Variants in VPS13A observed in about 807,000 individuals in gnomAD.
The protein encoded by VPS13A is intermembrane lipid transfer protein VPS13A.
In VPS13A, 264 loss-of-function variants were observed where a neutral mutation model predicts 390.9. The ratio of observed to expected loss-of-function variants is 0.68; its 90% CI spans 0.61 to 0.75. The LOEUF (loss-of-function observed/expected upper bound fraction) is 0.75, where lower values mean the gene tolerates loss of function less well. Among genes scored for constraint, VPS13A ranks in the 30% least tolerant of loss-of-function variants. The pLI is 0.00. For missense variants in VPS13A, 3,409 were observed against 3,733.9 expected (o/e 0.91, Z 2.27); for synonymous variants, 1,231 against 1,227.1 (o/e 1.00, Z -0.07).
intron 36 of VPS13A, 147 bp from the exon 37 acceptor site, chr9:77,314,348 T>C: frequency 1.1e-6 from 1 of 932,462 alleles, no homozygotes; most frequent in Non-Finnish European, 1.6e-6. Context: ...GATATGTATA[T>C]ATTTTTAGCC....
At position 77,321,722 on chromosome 9, in the gene VPS13A, A is replaced by AGCAAACTCTTC; in HGVS notation, c.5807_5817dup (p.Phe1940AlafsTer21). On this transcript the variant is annotated frameshift_variant, in exon 44 of 72. Transcript: ENST00000360280. LOFTEE classifies it high-confidence loss of function. ...TTTCAATGCAATGACCAGCCTAAGC[A>AGCAAACTCTTC]GCAAACTCTTCTTCATTCTTCTTAG... The AGCAAACTCTTC allele has an allele frequency of 6.2e-7, 1 of 1,613,278 alleles. No individual in the cohort carries two copies. The highest frequency in any genetic ancestry group is 8.5e-7 in the Non-Finnish European group (1 of 1,179,468).
At position 77,205,369 on chromosome 9, in the gene VPS13A, G is replaced by A. The variant is rs146896963; in HGVS notation, c.244G>A (p.Val82Ile). 6.8e-5 allele frequency: 101 copies of A among 1,477,026 alleles called. No individual in the cohort carries two copies. The highest frequency in any genetic ancestry group is 1.9e-4 in the Middle Eastern group (1 of 5,332). 91.5% of individuals were successfully genotyped at this position (1,477,026 alleles called of 1,614,324 possible). The change falls in exon 4 of 72, where the codon GTA (valine) becomes ATA (isoleucine). Residue 82 changes from valine to isoleucine, a missense_variant. This residue lies in a region of VPS13A where 2,717 missense variants were observed against 2,917.4 expected (regional missense o/e 0.93). Transcript: ENST00000360280. Reference protein sequence around the residue: ...KNLYTQPVEAVLEEIYLLIVP... With the variant: ...KNLYTQPVEAILEEIYLLIVP... ...CCTTTATACTCAACCTGTTGAAGCCGTATTGGAAGAAATTTATTTACTTAT... is the reference window on the plus strand; with the variant it reads ...CCTTTATACTCAACCTGTTGAAGCCATATTGGAAGAAATTTATTTACTTAT...
At chr9:77,318,129 GTAA>G (rs1829515739) in intron 40 of VPS13A, 103 bp from the exon 41 acceptor site, 1 of 607,074 alleles carries the variant, frequency 1.6e-6, no homozygotes, top group Non-Finnish European at 2.7e-6. Context: ...TTTTGTGGTA[GTAA>G]TGTTAATTCA....
chr9:77,393,321 A>G (rs1260939210), intron 68 of VPS13A, among the ~76,000 whole-genome samples: 1 of 152,214 alleles, frequency 6.6e-6, no homozygotes, highest in Non-Finnish European at 1.5e-5. Context: ...CCTCCGCTGA[A>G]GTCTTGAACC....
chr9:77,356,623 G>C, intron 54 of VPS13A, 91 bp from the exon 55 acceptor site: 1 of 1,391,138 alleles, frequency 7.2e-7, no homozygotes, highest in South Asian at 1.3e-5. Context: ...TGAAATTTTA[G>C]TGAAGGTATT....
intron 31 of VPS13A, among the ~76,000 whole-genome samples, chr9:77,290,857 C>A (rs532009795): frequency 1.3e-3 from 195 of 152,210 alleles, no homozygotes; most frequent in Non-Finnish European, 1.9e-3. Flanking sequence ...CCACTAGAAG[C>A]CTTTACCATA....
chr9:77,223,190 A>G (rs1823320048), intron 13 of VPS13A, among the ~76,000 whole-genome samples: 1 of 152,118 alleles, frequency 6.6e-6, no homozygotes, highest in African/African-American at 2.4e-5. Flanking sequence ...AACTTAATAA[A>G]TGTTGTGCGT....
chr9:77,293,600 T>C, intron 32 of VPS13A, 92 bp downstream of exon 32: 1 of 753,988 alleles, frequency 1.3e-6, no homozygotes, highest in Non-Finnish European at 1.9e-6. Flanking sequence ...ATTCCTTGCT[T>C]GAGATTTTTT....
chr9:77,271,491 C>T (rs1307626858), intron 23 of VPS13A, among the ~76,000 whole-genome samples: 3 of 152,048 alleles, frequency 2.0e-5, no homozygotes, highest in Non-Finnish European at 4.4e-5. Flanking sequence ...CACATGCCTA[C>T]CAAAAGACTT....
chr9:77,389,799 G>A (rs1833834480), intron 68 of VPS13A: 1 of 152,036 alleles, frequency 6.6e-6, no homozygotes, highest in South Asian at 2.1e-4. Context: ...TTGTCCTGTG[G>A]GTGTAGTATA....
At chr9:77,199,086 T>A (rs1825175282) in intron 1 of VPS13A, among the ~76,000 whole-genome samples, 1 of 152,236 alleles carries the variant, frequency 6.6e-6, no homozygotes, top group Non-Finnish European at 1.5e-5. Context: ...AATTACTTTC[T>A]ATGTGTCTTA....
intron 54 of VPS13A, 129 bp from the exon 55 acceptor site, chr9:77,356,585 A>T: frequency 9.8e-7 from 1 of 1,018,810 alleles, no homozygotes; most frequent in Non-Finnish European, 1.5e-6. Flanking sequence ...TAAATTTGTA[A>T]TATGCTCACT....
chr9:77,252,268 T>TG lies in VPS13A; in HGVS notation c.2204_2205insG (p.Ser736IlefsTer17). 1 of 1,614,046 alleles carries TG rather than the reference T, an allele frequency of 6.2e-7. No individual in the cohort carries two copies. The highest frequency in any genetic ancestry group is 8.5e-7 in the Non-Finnish European group (1 of 1,179,900). On this transcript the variant is annotated frameshift_variant, in exon 22 of 72. Transcript: ENST00000360280. LOFTEE classifies it high-confidence loss of function. ...TGGAGAGAAGCACGAAAACTCAGTG[T>TG]ATCTACCCAGCATATTTTGGTACCC... is the stretch of plus-strand genomic sequence containing the variant.
chr9:77,355,235 A>C (rs1439021984), intron 54 of VPS13A, among the ~76,000 whole-genome samples: 1 of 152,224 alleles, frequency 6.6e-6, no homozygotes, highest in Non-Finnish European at 1.5e-5. Flanking sequence ...ACACACCATG[A>C]AACTGGTTTT....
intron 40 of VPS13A, 50 bp from the exon 41 acceptor site, chr9:77,318,182 CGTA>C (rs1402574172): frequency 1.2e-4 from 115 of 959,220 alleles, no homozygotes; most frequent in South Asian, 2.1e-4. Flanking sequence ...TATTTCTTGA[CGTA>C]GTATGTTTGA....
intron 68 of VPS13A, chr9:77,382,967 G>C (rs1207350989): frequency 3.0e-6 from 3 of 985,094 alleles, no homozygotes; most frequent in East Asian, 2.3e-4. Context: ...CTGTGGTTTA[G>C]AGGTGGAATA....
Position 77,337,540 on chromosome 9 carries a change from A to T in VPS13A, c.6378+3A>T. 6.2e-7 allele frequency: 1 copy of T among 1,609,356 alleles called. No homozygotes were observed. The highest frequency in any genetic ancestry group is 8.5e-7 in the Non-Finnish European group (1 of 1,177,584). On this transcript the variant is annotated splice_donor_region_variant and intron_variant, in intron 47 of 71. Transcript: ENST00000360280. ...ACAAAATTGCTTATTATATAGAGGTATCGGCAAACTGATTTAGTGCCTTCC... is the reference window on the plus strand; with the variant it reads ...ACAAAATTGCTTATTATATAGAGGTTTCGGCAAACTGATTTAGTGCCTTCC...
At chr9:77,356,911 G>A (rs1320545784) in intron 55 of VPS13A, 44 bp downstream of exon 55, 1 of 1,605,618 alleles carries the variant, frequency 6.2e-7, no homozygotes, top group African/African-American at 1.3e-5. Flanking sequence ...TTTTTTGCCT[G>A]TCGTAGTTTG....
At position 77,316,363 on chromosome 9, in the gene VPS13A, C is replaced by T; in HGVS notation, c.4820C>T (p.Ala1607Val). The T allele has an allele frequency of 6.8e-6, 11 of 1,613,084 alleles. No homozygotes were observed. Among genetic ancestry groups the T allele is most frequent in the Non-Finnish European group, 9.3e-6 (11 of 1,179,308 alleles). ...GCCATTAAAGATCTCCAAGTGAGAGCCTGCCCGTTTCTTCCAGTCAAGAGA... is the reference window on the plus strand; with the variant it reads ...GCCATTAAAGATCTCCAAGTGAGAGTCTGCCCGTTTCTTCCAGTCAAGAGA... The part of the protein sequence containing the change: ...TAAIKDLQVR[A>V]CPFLPVKRKG... The change falls in exon 39 of 72, where the codon GCC (alanine) becomes GTC (valine). Residue 1607 changes from alanine to valine, a missense_variant. Transcript: ENST00000360280.
Sources: allele counts gnomAD v4.1 joint callset (sites outside exome capture counted in the v4.1 genomes callset), GRCh38; gene constraint gnomAD v4.1.1; regional missense constraint gnomAD v4.1.1; transcripts MANE v1.5; gene names NCBI Gene and HGNC (gene_info 2026-07-23, HGNC 2026-07-21).